STXBP2: variants seen among roughly 807,000 people sequenced by gnomAD.
STXBP2 encodes syntaxin-binding protein 2.
A neutral mutation model predicts 72.2 loss-of-function variants in STXBP2; 47 were observed. The observed-to-expected ratio is 0.65, with a 90% CI of 0.51 to 0.83. STXBP2 has a LOEUF of 0.83. Among genes scored for constraint, STXBP2 ranks in the 40% least tolerant of loss-of-function variants. The pLI is 0.00. For synonymous variants in STXBP2, 367 were observed against 338.7 expected (o/e 1.08, Z -0.92); for missense variants, 702 against 807.6 (o/e 0.87, Z 1.58).
upstream of STXBP2, chr19:7,632,996 A>G: frequency 1.4e-6 from 2 of 1,424,778 alleles, no homozygotes; most frequent in South Asian, 2.9e-5. The surrounding 1 kb of genome is among the most constrained non-coding windows in gnomAD (Gnocchi z 5.2). Flanking sequence ...TCTGAATGAG[A>G]CATGAGTCTC....
chr19:7,646,845 G>C (rs976060490), intron 16 of STXBP2: 1 of 501,382 alleles, frequency 2.0e-6, no homozygotes, highest in African/African-American at 1.9e-5. Flanking sequence ...TTCCCCAAAG[G>C]GCTGGGGGTA....
intron 7 of STXBP2, 53 bp from the exon 8 acceptor site, chr19:7,641,981 C>A: frequency 6.2e-7 from 1 of 1,611,128 alleles, no homozygotes; most frequent in Non-Finnish European, 8.5e-7. Flanking sequence ...CCTTCAAACC[C>A]ATCCTTGACC....
At chr19:7,645,157 C>T (rs371613287) in intron 14 of STXBP2, 40 bp from the exon 15 acceptor site, 11 of 1,547,306 alleles carry the variant, frequency 7.1e-6, no homozygotes, top group African/African-American at 5.5e-5. Flanking sequence ...TGGGAGCTCA[C>T]CTGGCCGCCG....
intron 4 of STXBP2, 199 bp from the exon 5 acceptor site, chr19:7,640,532 A>ATG (rs551642837): frequency 1.4e-6 from 1 of 693,966 alleles, no homozygotes; most frequent in Non-Finnish European, 2.6e-6. Flanking sequence ...ATGCGTGTGT[A>ATG]TGTGTGTGTG....
the STXBP2 span, chr19:7,631,630 G>A: frequency 1.2e-5 from 17 of 1,466,260 alleles, no homozygotes; most frequent in South Asian, 4.0e-5. Context: ...ATTCATTTAA[G>A]TGTTTTATTC....
At chr19:7,630,592 T>C in the STXBP2 span, 9 of 1,537,124 alleles carry the variant, frequency 5.9e-6, no homozygotes, top group Non-Finnish European at 7.0e-6. Flanking sequence ...TACCTCACTT[T>C]CCCTGTGGCT....
chr19:7,647,858 TC>T lies in STXBP2; in HGVS notation c.*51del. On this transcript the variant is annotated 3_prime_UTR_variant, in exon 19 of 19. Transcript: ENST00000221283. ...CTCCCTTTCCAGAGAAATAAACTCT[TC>T]CCGTCGCTCTGCCAGCCAGTGCCTA... 1 of 1,529,620 alleles carries T rather than the reference TC, an allele frequency of 6.5e-7. No homozygotes were observed. Among genetic ancestry groups the T allele is most frequent in the Non-Finnish European group, 9.0e-7 (1 of 1,108,856 alleles). 94.8% of individuals were successfully genotyped at this position (1,529,620 alleles called of 1,614,324 possible). A position where few individuals can be genotyped will look rare whatever the true frequency, so the allele number is the denominator to read the frequency against.
At position 7,644,756 on chromosome 19, in the gene STXBP2, G is replaced by A. The variant is rs111543394; in HGVS notation, c.1246+4G>A. The A allele has an allele frequency of 6.2e-6, 10 of 1,613,646 alleles. 1 individual carries two copies. In the African/African-American group the frequency reaches 8.0e-5, roughly 13 times the overall value. On this transcript the variant is annotated splice_donor_region_variant and intron_variant, in intron 14 of 18. Coordinates refer to ENST00000221283, the MANE Select transcript of STXBP2 (RefSeq NM_006949.4). Reference sequence around the variant, plus strand: ...CTCTACATCCTCCTTCGGAATGGTGGGTGGGGGCTGCAGGGAGTTGGAACG... The same window carrying A: ...CTCTACATCCTCCTTCGGAATGGTGAGTGGGGGCTGCAGGGAGTTGGAACG...
chr19:7,640,187 CAT>C (rs2146210406), intron 4 of STXBP2: 4 of 505,214 alleles, frequency 7.9e-6, no homozygotes, highest in Non-Finnish European at 1.5e-5. Flanking sequence ...TGTCTGTGTG[CAT>C]GTGTGTATGC....
chr19:7,638,176 G>A (rs1020640131), intron 1 of STXBP2, among the ~76,000 whole-genome samples: 3 of 152,218 alleles, frequency 2.0e-5, no homozygotes, highest in African/African-American at 7.2e-5. Flanking sequence ...TTTATCGAGT[G>A]GCACCTTTTG....
chr19:7,630,314 TG>T, the STXBP2 span: 58 of 546,594 alleles, frequency 1.1e-4, 2 homozygotes, highest in East Asian at 1.4e-3. Flanking sequence ...TGATTGTAGC[TG>T]GGGCGTCTGT....
Position 7,647,781 on chromosome 19 carries a change from A to G in STXBP2, c.1753A>G (p.Lys585Glu). 1 of 1,613,958 alleles carries G rather than the reference A, an allele frequency of 6.2e-7. No homozygotes were observed. Among genetic ancestry groups the G allele is most frequent in the African/African-American group, 1.3e-5 (1 of 74,962 alleles). The change falls in exon 19 of 19, where the codon AAG becomes GAG. Residue 585 changes from lysine (K) to glutamate (E), a missense_variant. Lys to Glu is a moderately conservative substitution (Grantham distance 56). Transcript: ENST00000221283. ...RFLDDLKALDKKLEDIALP is the reference protein window; with the variant it reads ...RFLDDLKALDEKLEDIALP ...CCTGGATGACCTGAAGGCACTGGAC[A>G]AGAAGCTGGAGGACATTGCCCTGCC...
chr19:7,643,564 G>T (rs1385697893), intron 13 of STXBP2, among the ~76,000 whole-genome samples: 4 of 152,070 alleles, frequency 2.6e-5, no homozygotes, highest in East Asian at 3.9e-4. Context: ...GGAGAGGTAG[G>T]CAGGGCCTTG....
chr19:7,641,038 G>A (rs1225514226), intron 6 of STXBP2, 35 bp downstream of exon 6: 1 of 1,606,606 alleles, frequency 6.2e-7, no homozygotes, highest in Admixed American at 1.7e-5. Context: ...AGGGGGTGGG[G>A]GTTTGTGACC....
In STXBP2 at chr19:7,642,300, A is replaced by G; in HGVS notation, c.761A>G (p.Tyr254Cys). 5.6e-6 allele frequency: 9 copies of G among 1,614,148 alleles called. No individual in the cohort carries two copies. The highest frequency in any genetic ancestry group is 7.6e-6 in the Non-Finnish European group (9 of 1,180,008). Residue 254 changes from tyrosine (Y) to cysteine (C), a missense_variant, in exon 9 of 19, where the codon TAT (tyrosine) becomes TGT (cysteine). Physicochemically the swap from Tyr to Cys is radical, Grantham distance 194. Coordinates refer to ENST00000221283, the MANE Select transcript of STXBP2 (RefSeq NM_006949.4). The surrounding 1 kb of genome is among the most constrained non-coding windows in gnomAD (Gnocchi z 6.0). Reference protein sequence around the residue: ...LHELTFQAMAYDLLDIEQDTY... With the variant: ...LHELTFQAMACDLLDIEQDTY... The stretch of plus-strand genomic sequence containing the variant: ...GAGCTCACGTTCCAGGCCATGGCGT[A>G]TGATCTGCTGGACATAGAGCAGGAC...
At chr19:7,629,943 C>A in the STXBP2 span, 5 of 1,401,400 alleles carry the variant, frequency 3.6e-6, no homozygotes, top group Non-Finnish European at 4.7e-6. Context: ...GGGGGGACTT[C>A]AAAGGAAGAG....
At chr19:7,631,585 C>G in the STXBP2 span, 1 of 1,520,712 alleles carries the variant, frequency 6.6e-7, no homozygotes, top group Admixed American at 2.1e-5. Flanking sequence ...CTAGCCCCTC[C>G]CCTGATGAAA....
chr19:7,641,868 C>CCCCCCCCCCCCCCAGGCCCCCCCCCCCCA lies in STXBP2; in HGVS notation c.578+15_578+16insCCCCCCCCCCCCCAGGCCCCCCCCCCCCA. 6.9e-7 allele frequency: 1 copy of CCCCCCCCCCCCCCAGGCCCCCCCCCCCCA among 1,458,864 alleles called. No individual in the cohort carries two copies. The allele number at this position is 1,458,864 out of a possible 1,614,324, so 90.4% of individuals were successfully genotyped here. ...CGCTACCGCAAGTGGGGACCCCACC[C>CCCCCCCCCCCCCCAGGCCCCCCCCCCCCA]AGCCCCACCCCGATGCCGACCCCCC... On this transcript the variant is annotated intron_variant, in intron 7 of 18. Transcript: ENST00000221283.
chr19:7,634,267 C>G (rs562577308), upstream of STXBP2, among the ~76,000 whole-genome samples: 10 of 152,266 alleles, frequency 6.6e-5, no homozygotes, highest in Admixed American at 6.5e-4. Flanking sequence ...AGTGCCCAAG[C>G]AGGGGATACC....
Sources: allele counts gnomAD v4.1 joint callset (sites outside exome capture counted in the v4.1 genomes callset), GRCh38; gene constraint gnomAD v4.1.1; non-coding constraint Gnocchi (gnomAD v3.1); transcripts MANE v1.5; gene names NCBI Gene and HGNC (gene_info 2026-07-23, HGNC 2026-07-21).